Variants in DPYSL5 observed in about 807,000 individuals in gnomAD.
The protein encoded by DPYSL5 is dihydropyrimidinase-related protein 5.
DPYSL5 carries 9 observed loss-of-function variants against 58.4 expected under a neutral mutation model. The ratio of observed to expected loss-of-function variants is 0.15; its 90% CI spans 0.09 to 0.27. The LOEUF is 0.27. DPYSL5 is among the 10% of genes least tolerant of loss of function. The probability of loss-of-function intolerance (pLI) is 1.00; values close to 1 mark genes in which losing one functional copy is unlikely to be tolerated. For synonymous variants in DPYSL5, 293 were observed against 301.9 expected, an observed-to-expected ratio of 0.97 and a Z score of 0.31; for missense variants, 499 against 770.6, an observed-to-expected ratio of 0.65 and a Z score of 4.17.
intron 2 of DPYSL5, among the ~76,000 whole-genome samples, chr2:26,919,818 C>T (rs1472688470): frequency 6.6e-6 from 1 of 152,030 alleles, no homozygotes; most frequent in Non-Finnish European, 1.5e-5. Flanking sequence ...TGCTCATATG[C>T]GTTCAAGAAT....
intron 1 of DPYSL5, among the ~76,000 whole-genome samples, chr2:26,895,811 C>T (rs12617848): frequency 0.15 from 19,892 of 129,220 alleles, 1,616 homozygotes; most frequent in Middle Eastern, 0.23. Flanking sequence ...GATGGCGTCT[C>T]GCTGTGTCGC....
intron 1 of DPYSL5, among the ~76,000 whole-genome samples, chr2:26,889,140 A>G (rs756112180): frequency 5.3e-5 from 8 of 152,168 alleles, no homozygotes; most frequent in Non-Finnish European, 8.8e-5. Context: ...CATTCCATTC[A>G]TTGCATGTAG....
intron 2 of DPYSL5, among the ~76,000 whole-genome samples, chr2:26,919,710 C>T (rs1353328850): frequency 1.3e-5 from 2 of 152,060 alleles, no homozygotes; most frequent in African/African-American, 2.4e-5. Context: ...GTTGTGAGAT[C>T]GGCTGTTCCA....
In DPYSL5 at chr2:26,940,244, A is replaced by G. The variant is rs966864786; in HGVS notation, c.1089+72A>G. On this transcript the variant is annotated intron_variant, in intron 9 of 12. Coordinates refer to ENST00000288699, the MANE Select transcript of DPYSL5 (RefSeq NM_020134.4). ...CCGTTTCATCCCCGTTCTAATCCCA[A>G]TAAGAGTATTCACTCCTCAGATCCT... 1.5e-5 allele frequency: 23 copies of G among 1,557,516 alleles called. No individual in the cohort carries two copies. The South Asian group carries it at 2.5e-4, about 17-fold the overall frequency.
At chr2:26,929,185 A>G (rs1274970241) in intron 5 of DPYSL5, among the ~76,000 whole-genome samples, 1 of 152,140 alleles carries the variant, frequency 6.6e-6, no homozygotes, top group Non-Finnish European at 1.5e-5. Flanking sequence ...CCTTATGAGA[A>G]TCTAACTAAT....
At chr2:26,848,908 G>C (rs898079401) in intron 1 of DPYSL5, among the ~76,000 whole-genome samples, 1 of 152,190 alleles carries the variant, frequency 6.6e-6, no homozygotes, top group Non-Finnish European at 1.5e-5. Context: ...GGGTCCCTCG[G>C]CTGGAGCCCA....
intron 2 of DPYSL5, among the ~76,000 whole-genome samples, chr2:26,902,159 G>A (rs1465628792): frequency 2.6e-5 from 4 of 152,292 alleles, no homozygotes; most frequent in South Asian, 4.1e-4. Context: ...GGTTATCTCC[G>A]TGGGGTGGCA....
chr2:26,858,234 C>T (rs543634968), intron 1 of DPYSL5, among the ~76,000 whole-genome samples: 5 of 127,642 alleles, frequency 3.9e-5, no homozygotes, highest in South Asian at 2.4e-4. Context: ...TGCAGAGGCG[C>T]GATCTCGGCT....
chr2:26,892,162 C>A (rs984112561), intron 1 of DPYSL5, among the ~76,000 whole-genome samples: 10 of 152,192 alleles, frequency 6.6e-5, no homozygotes, highest in African/African-American at 2.2e-4. Flanking sequence ...ATTTTTATGA[C>A]CTTTAATGGG....
intron 1 of DPYSL5, among the ~76,000 whole-genome samples, chr2:26,892,779 G>GAGAGAGAGAGAC (rs1663920737): frequency 6.6e-6 from 1 of 151,958 alleles, no homozygotes; most frequent in Non-Finnish European, 1.5e-5. Flanking sequence ...GAGAGAGAGA[G>GAGAGAGAGAGAC]AGAGAGAGAG....
chr2:26,872,457 C>T (rs1172522549), intron 1 of DPYSL5, among the ~76,000 whole-genome samples: 3 of 152,040 alleles, frequency 2.0e-5, no homozygotes, highest in Non-Finnish European at 2.9e-5. Flanking sequence ...TTTGAGAGGC[C>T]GAGGTGGGCG....
At chr2:26,908,513 G>A (rs952173077) in intron 2 of DPYSL5, among the ~76,000 whole-genome samples, 1 of 152,204 alleles carries the variant, frequency 6.6e-6, no homozygotes, top group Non-Finnish European at 1.5e-5. Context: ...AGGCCAGGTT[G>A]ATCCTTCTTA....
chr2:26,923,630 C>G (rs1352779910), intron 2 of DPYSL5, among the ~76,000 whole-genome samples: 1 of 152,116 alleles, frequency 6.6e-6, no homozygotes. Context: ...CACAAAGACT[C>G]TCATGTTATG....
chr2:26,945,318 T>TTA (rs1407654886), intron 12 of DPYSL5, among the ~76,000 whole-genome samples: 16 of 151,084 alleles, frequency 1.1e-4, no homozygotes, highest in East Asian at 1.9e-4. Flanking sequence ...TTTTTTTTTT[T>TTA]ACCAGGAATT....
chr2:26,861,267 A>C (rs889939247), intron 1 of DPYSL5, among the ~76,000 whole-genome samples: 4 of 152,220 alleles, frequency 2.6e-5, no homozygotes, highest in African/African-American at 9.6e-5. Context: ...AGCTTTTCCA[A>C]TATTTCCCCT....
Position 26,944,724 on chromosome 2 carries a change from G to GA in DPYSL5, c.1515dup (p.Glu506ArgfsTer37). On this transcript the variant is annotated frameshift_variant, in exon 12 of 13. Coordinates refer to ENST00000288699, the MANE Select transcript of DPYSL5 (RefSeq NM_020134.4). LOFTEE classifies it high-confidence loss of function. This position sits in a 1 kb window ranked among gnomAD's most constrained non-coding sequence, Gnocchi z 4.4. ...ATGTCGCTGTTGTCGTGCACCCTGG[G>GA]AAAAAAGAGATGGGAACCCCACTCG... is the stretch of plus-strand genomic sequence containing the variant. 6.2e-7 allele frequency: 1 copy of GA among 1,613,978 alleles called. No homozygotes were observed. The highest frequency in any genetic ancestry group is 8.5e-7 in the Non-Finnish European group (1 of 1,179,982).
chr2:26,859,292 A>C (rs1665955230), intron 1 of DPYSL5, among the ~76,000 whole-genome samples: 1 of 152,176 alleles, frequency 6.6e-6, no homozygotes, highest in African/African-American at 2.4e-5. Context: ...TATCTTTGTG[A>C]ACATCACATA....
chr2:26,864,010 A>G (rs1666081885), intron 1 of DPYSL5, among the ~76,000 whole-genome samples: 1 of 152,186 alleles, frequency 6.6e-6, no homozygotes, highest in African/African-American at 2.4e-5. Context: ...TGAGAGGCCA[A>G]GGTGGGTGGA....
In DPYSL5 at chr2:26,877,248, G is replaced by A. The variant is rs1178747019; in HGVS notation, c.-4-21248G>A. ...CCCAAAGTGCTGGGATTACAGGCAT[G>A]AGCCACCGCGCCTGGCCCATAGCCA... On this transcript the variant is annotated intron_variant, in intron 1 of 12. Coordinates refer to ENST00000288699, the MANE Select transcript of DPYSL5 (RefSeq NM_020134.4). This position sits in a 1 kb window ranked among gnomAD's most constrained non-coding sequence, Gnocchi z 4.1. Among the ~76,000 whole-genome samples the A allele has an allele frequency of 6.6e-6, 1 of 152,156 alleles. No individual in the cohort carries two copies. Among genetic ancestry groups the A allele is most frequent in the African/African-American group, 2.4e-5 (1 of 41,440 alleles).
Sources: allele counts gnomAD v4.1 joint callset (sites outside exome capture counted in the v4.1 genomes callset), GRCh38; gene constraint gnomAD v4.1.1; non-coding constraint Gnocchi (gnomAD v3.1); transcripts MANE v1.5; gene names NCBI Gene and HGNC (gene_info 2026-07-23, HGNC 2026-07-21).